CSMD1: variants seen among roughly 807,000 people sequenced by gnomAD.
CSMD1 encodes the protein CUB and sushi domain-containing protein 1.
CSMD1 carries 213 observed loss-of-function variants against 417.5 expected under a neutral mutation model. The observed-to-expected ratio is 0.51, with a 90% CI of 0.46 to 0.57. The LOEUF (loss-of-function observed/expected upper bound fraction) is 0.57. Ranked by LOEUF, CSMD1 falls within the 20% of genes least tolerant of loss-of-function variation. CSMD1 has a pLI of 0.00. For missense variants in CSMD1, 6,923 were observed against 4,529.7 expected (o/e 1.53, Z -15.17); for synonymous variants, 2,862 against 1,736.8 (o/e 1.65, Z -16.11).
chr8:3,964,425 G>C (rs929809190), intron 5 of CSMD1, among the ~76,000 whole-genome samples: 1 of 151,990 alleles, frequency 6.6e-6, no homozygotes, highest in Non-Finnish European at 1.5e-5. Flanking sequence ...TTTTGACTGA[G>C]GCCTTAATCA....
intron 7 of CSMD1, among the ~76,000 whole-genome samples, chr8:3,676,301 T>C (rs1286476197): frequency 6.6e-6 from 1 of 152,158 alleles, no homozygotes; most frequent in Non-Finnish European, 1.5e-5. Flanking sequence ...CTGGGGCAAG[T>C]TCCTAAGCTG....
chr8:4,272,289 A>G lies in CSMD1; in HGVS notation c.415+147664T>C, dbSNP rs74847847. Reference sequence around the variant, plus strand: ...ACTTTAAGAAAACTTATAAATAGAAAAACATTTTTTTCCTTGCCAATGTCA... The same window carrying G: ...ACTTTAAGAAAACTTATAAATAGAAGAACATTTTTTTCCTTGCCAATGTCA... On this transcript the variant is annotated intron_variant, in intron 3 of 69. Coordinates refer to ENST00000635120, the MANE Select transcript of CSMD1 (RefSeq NM_033225.6). Among the ~76,000 whole-genome samples, 669 of 152,258 alleles carry G rather than the reference A, an allele frequency of 4.4e-3. 3 individuals are homozygous for G. Among genetic ancestry groups the G allele is most frequent in the South Asian group, 7.7e-3 (37 of 4,818 alleles).
At chr8:4,769,660 G>A (rs767107593) in intron 1 of CSMD1, among the ~76,000 whole-genome samples, 20 of 152,182 alleles carry the variant, frequency 1.3e-4, no homozygotes, top group Non-Finnish European at 1.8e-4. Context: ...CGGGAGGCTT[G>A]GAAAGGCTGA....
intron 10 of CSMD1, among the ~76,000 whole-genome samples, chr8:3,561,018 G>A (rs570161341): frequency 5.3e-5 from 8 of 152,228 alleles, no homozygotes; most frequent in Admixed American, 3.9e-4. Flanking sequence ...TAAAACGGCA[G>A]GCAGTGAATA....
chr8:3,175,479 T>G (rs963674488), intron 37 of CSMD1, among the ~76,000 whole-genome samples: 64 of 27,740 alleles, frequency 2.3e-3, no homozygotes, highest in South Asian at 5.2e-3. Flanking sequence ...TCTTTTCCCT[T>G]CCTTCCTGCC....
chr8:4,241,946 A>T lies in CSMD1; in HGVS notation c.415+178007T>A, dbSNP rs77468085. Among the ~76,000 whole-genome samples the T allele has an allele frequency of 9.3e-3, 1,422 of 152,304 alleles. 14 individuals carry two copies. The highest frequency in any genetic ancestry group is 0.033 in the African/African-American group (1,375 of 41,556). On this transcript the variant is annotated intron_variant, in intron 3 of 69. Transcript: ENST00000635120. ...TTATACTGTCCTACCAATTGACCAG[A>T]TTCAGTATAAGTTTTCAAACGGATT...
At chr8:3,251,658 A>T (rs1045956652) in intron 26 of CSMD1, among the ~76,000 whole-genome samples, 1 of 152,214 alleles carries the variant, frequency 6.6e-6, no homozygotes, top group Non-Finnish European at 1.5e-5. Flanking sequence ...CTTGGGCAGC[A>T]TGGGCATTTT....
intron 3 of CSMD1, among the ~76,000 whole-genome samples, chr8:4,094,249 T>C (rs1177218091): frequency 3.3e-5 from 5 of 152,014 alleles, no homozygotes; most frequent in Admixed American, 6.6e-5. Context: ...AAGTTGACTG[T>C]TTGTAAATCA....
intron 3 of CSMD1, among the ~76,000 whole-genome samples, chr8:4,055,734 C>G (rs1009169984): frequency 1.1e-4 from 17 of 152,098 alleles, no homozygotes; most frequent in Admixed American, 6.6e-4. Flanking sequence ...AACTTGCTGT[C>G]ATCCACAACA....
intron 41 of CSMD1, chr8:3,128,723 T>C (rs895874632): frequency 2.1e-5 from 8 of 375,444 alleles, no homozygotes; most frequent in Non-Finnish European, 4.1e-5. Flanking sequence ...ATGTTCTCAT[T>C]TATTTGTATT....
chr8:4,087,252 G>T (rs974186928), intron 3 of CSMD1, among the ~76,000 whole-genome samples: 1 of 152,138 alleles, frequency 6.6e-6, no homozygotes, highest in Non-Finnish European at 1.5e-5. Flanking sequence ...CATGGCCATG[G>T]TTTCACAGTT....
chr8:3,741,669 C>T lies in CSMD1; in HGVS notation c.931+12261G>A, dbSNP rs538147187. Among the ~76,000 whole-genome samples the T allele has an allele frequency of 9.2e-5, 14 of 152,306 alleles. No individual in the cohort carries two copies. The South Asian group carries it at 2.5e-3, about 27-fold the overall frequency. On this transcript the variant is annotated intron_variant, in intron 6 of 69. Coordinates refer to ENST00000635120, the MANE Select transcript of CSMD1 (RefSeq NM_033225.6). The stretch of plus-strand genomic sequence containing the variant: ...CTGAAAAGTAATAAGGATTTCTAAA[C>T]TTCTAACTGGGAAATTAACACTACA...
At chr8:3,528,148 A>G (rs1216433660) in intron 10 of CSMD1, among the ~76,000 whole-genome samples, 1 of 152,244 alleles carries the variant, frequency 6.6e-6, no homozygotes, top group African/African-American at 2.4e-5. Context: ...GAGCTGACAT[A>G]GAATTATTTT....
intron 23 of CSMD1, among the ~76,000 whole-genome samples, chr8:3,309,178 C>T (rs1165948672): frequency 6.6e-6 from 1 of 152,134 alleles, no homozygotes; most frequent in Non-Finnish European, 1.5e-5. Flanking sequence ...CAACCTAGAC[C>T]TCCAAGGAAG....
chr8:3,196,278 T>G (rs565349141), intron 33 of CSMD1, among the ~76,000 whole-genome samples: 1 of 152,138 alleles, frequency 6.6e-6, no homozygotes, highest in East Asian at 1.9e-4. Context: ...TTAAAGGAAT[T>G]GTCTACCCCT....
At chr8:4,185,999 G>C (rs1240374305) in intron 3 of CSMD1, among the ~76,000 whole-genome samples, 1 of 152,152 alleles carries the variant, frequency 6.6e-6, no homozygotes, top group East Asian at 1.9e-4. Flanking sequence ...CCTATGTTTT[G>C]TTATGATCTG....
chr8:3,015,315 T>C (rs1395584125), intron 52 of CSMD1, among the ~76,000 whole-genome samples: 1 of 152,136 alleles, frequency 6.6e-6, no homozygotes, highest in Non-Finnish European at 1.5e-5. Flanking sequence ...TGCTTGAAAA[T>C]TGAATTTCTT....
rs1302626001 is a variant in CSMD1, at chr8:4,142,626, T to C, written c.416-110527A>G. On this transcript the variant is annotated intron_variant, in intron 3 of 69. Coordinates refer to ENST00000635120, the MANE Select transcript of CSMD1 (RefSeq NM_033225.6). ...TAGCTTAGCAGCACTGGCTCTGTAT[T>C]TAATTGCAAATGAGAGAGAAAACAG... Among the ~76,000 whole-genome samples the C allele has an allele frequency of 6.6e-5, 10 of 151,088 alleles. 3 individuals are homozygous for C. Among genetic ancestry groups the C allele is most frequent in the African/African-American group, 2.5e-4 (10 of 40,388 alleles).
At chr8:4,379,546 T>A (rs959229759) in intron 3 of CSMD1, among the ~76,000 whole-genome samples, 3 of 152,244 alleles carry the variant, frequency 2.0e-5, no homozygotes, top group African/African-American at 7.2e-5. Context: ...GATGTCTGTA[T>A]TATTTTTGCA....
Sources: gnomAD v4.1 joint callset for allele counts (sites outside exome capture counted in the v4.1 genomes callset) on GRCh38, gnomAD v4.1.1 for gene constraint, MANE v1.5 for transcripts, NCBI Gene and HGNC (gene_info 2026-07-23, HGNC 2026-07-21) for gene names.